PHTF2: variants seen among roughly 807,000 people sequenced by gnomAD.
PHTF2 encodes the protein putative homeodomain transcription factor 2.
In PHTF2, 60 loss-of-function variants were observed where a neutral mutation model predicts 101.2. That is an observed-to-expected ratio of 0.59 (90% CI 0.48 to 0.73). PHTF2 has a LOEUF of 0.73. Ranked by LOEUF, PHTF2 falls within the 30% of genes least tolerant of loss-of-function variation. The probability of loss-of-function intolerance (pLI) is 0.00; values close to 1 mark genes in which losing one functional copy is unlikely to be tolerated. For synonymous variants in PHTF2, 311 were observed against 307.3 expected, an observed-to-expected ratio of 1.01 and a Z score of -0.13; for missense variants, 747 against 908.7, an observed-to-expected ratio of 0.82 and a Z score of 2.29.
intron 9 of PHTF2, among the ~76,000 whole-genome samples, chr7:77,918,139 C>T (rs1264865613): frequency 2.0e-5 from 3 of 152,288 alleles, no homozygotes; most frequent in African/African-American, 4.8e-5. Context: ...AATACATTCT[C>T]CTTAGAAAAA....
chr7:77,898,948 G>T (rs1044565759), intron 5 of PHTF2, among the ~76,000 whole-genome samples: 1 of 152,106 alleles, frequency 6.6e-6, no homozygotes, highest in Non-Finnish European at 1.5e-5. Context: ...TTACAGGCGA[G>T]TGCCACCATG....
At chr7:77,932,292 A>G (rs1386957067) in intron 12 of PHTF2, among the ~76,000 whole-genome samples, 1 of 152,152 alleles carries the variant, frequency 6.6e-6, no homozygotes, top group African/African-American at 2.4e-5. Context: ...GACTGGTGGA[A>G]TGATTTCTTA....
intron 19 of PHTF2, among the ~76,000 whole-genome samples, chr7:77,954,612 G>GTA (rs66540211): frequency 0.07 from 6,294 of 89,900 alleles, 204 homozygotes; most frequent in Middle Eastern, 0.13. Context: ...CAAGTACTGT[G>GTA]TATATATATA....
At chr7:77,866,550 AGCTGGGT>A in intron 3 of PHTF2, among the ~76,000 whole-genome samples, 1 of 152,078 alleles carries the variant, frequency 6.6e-6, no homozygotes, top group African/African-American at 2.4e-5. Context: ...GGAAGTCAGA[AGCTGGGT>A]TTTACCATCT....
chr7:77,911,468 TAATA>T (rs1196847056), intron 9 of PHTF2, among the ~76,000 whole-genome samples: 1 of 152,158 alleles, frequency 6.6e-6, no homozygotes, highest in East Asian at 1.9e-4. Context: ...TATATACCTA[TAATA>T]AATGTGAAAA....
At position 77,812,994 on chromosome 7, in the gene PHTF2, G is replaced by A. The variant is rs189480866; in HGVS notation, c.-36+14023G>A. On this transcript the variant is annotated intron_variant, in intron 1 of 19. Transcript: ENST00000416283. The stretch of plus-strand genomic sequence containing the variant: ...GGAAACTTGTTTGACTTTTTCTAAT[G>A]TAGTGGATATAGGAACAGGTGAGGT... Among the ~76,000 whole-genome samples the A allele has an allele frequency of 1.1e-3, 161 of 152,308 alleles. 1 individual carries two copies. The highest frequency in any genetic ancestry group is 3.7e-3 in the African/African-American group (153 of 41,548).
At chr7:77,805,158 C>T (rs1488907689) in intron 1 of PHTF2, among the ~76,000 whole-genome samples, 1 of 152,100 alleles carries the variant, frequency 6.6e-6, no homozygotes, top group African/African-American at 2.4e-5. Flanking sequence ...TTGTATTTTC[C>T]TAGGAATCTG....
chr7:77,919,266 T>C (rs917292505), intron 9 of PHTF2, among the ~76,000 whole-genome samples: 4 of 152,226 alleles, frequency 2.6e-5, no homozygotes, highest in Non-Finnish European at 4.4e-5. Flanking sequence ...AGTAACTTAG[T>C]GTTAAAACTA....
At chr7:77,901,046 A>G (rs556406709) in intron 6 of PHTF2, among the ~76,000 whole-genome samples, 32 of 152,358 alleles carry the variant, frequency 2.1e-4, no homozygotes, top group African/African-American at 7.5e-4. Context: ...TGGCCAGAGC[A>G]GGAGCCAGAG....
chr7:77,954,852 T>TTTCTAGCTA lies in PHTF2; in HGVS notation c.2338-5_2338-4insTCTAGCTAT. 1.3e-6 allele frequency: 2 copies of TTTCTAGCTA among 1,502,580 alleles called. No homozygotes were observed. Among genetic ancestry groups the TTTCTAGCTA allele is most frequent in the South Asian group, 2.4e-5 (2 of 83,660 alleles). 93.1% of individuals were successfully genotyped at this position (1,502,580 alleles called of 1,614,324 possible). Reference sequence around the variant, plus strand: ...CTTGTCACCACTTCTATTTTTTTTTTTCTAGCTATGGAAGATTAAGTCATG... The same window carrying TTTCTAGCTA: ...CTTGTCACCACTTCTATTTTTTTTTTTTCTAGCTATCTAGCTATGGAAGATTAAGTCATG... On this transcript the variant is annotated splice_polypyrimidine_tract_variant and splice_region_variant and intron_variant, in intron 19 of 19. Transcript: ENST00000416283.
chr7:77,836,345 G>A (rs1455029620), intron 1 of PHTF2, among the ~76,000 whole-genome samples: 1 of 152,014 alleles, frequency 6.6e-6, no homozygotes, highest in Non-Finnish European at 1.5e-5. Context: ...AACTTTTATT[G>A]AAAAAATCCA....
intron 3 of PHTF2, among the ~76,000 whole-genome samples, chr7:77,884,018 A>G (rs1162562018): frequency 2.0e-5 from 3 of 152,212 alleles, no homozygotes; most frequent in African/African-American, 7.2e-5. Context: ...ACGGAGGTTG[A>G]GAGGTCAAGT....
intron 1 of PHTF2, among the ~76,000 whole-genome samples, chr7:77,820,807 G>T (rs2150517700): frequency 6.6e-6 from 1 of 152,232 alleles, no homozygotes; most frequent in South Asian, 2.1e-4. Flanking sequence ...TCATTTTATT[G>T]ATTGTTTTCT....
intron 1 of PHTF2, among the ~76,000 whole-genome samples, chr7:77,834,391 A>G (rs1010333623): frequency 2.0e-5 from 3 of 152,168 alleles, no homozygotes; most frequent in African/African-American, 7.2e-5. Context: ...TTTATGTTAA[A>G]ATAACATAAA....
At chr7:77,826,160 G>A (rs1794682584) in intron 1 of PHTF2, among the ~76,000 whole-genome samples, 1 of 152,000 alleles carries the variant, frequency 6.6e-6, no homozygotes, top group Non-Finnish European at 1.5e-5. Context: ...AAAAATTCAA[G>A]ATGGAGAATT....
chr7:77,953,646 C>T (rs1806740493), intron 18 of PHTF2, 123 bp from the exon 18 acceptor site: 2 of 720,748 alleles, frequency 2.8e-6, no homozygotes, highest in Admixed American at 6.0e-5. Context: ...TTTATCCTTT[C>T]TAAAAGCATC....
At position 77,927,195 on chromosome 7, in the gene PHTF2, T is replaced by C. The variant is rs201656376; in HGVS notation, c.1120-1914T>C. On this transcript the variant is annotated intron_variant, in intron 11 of 19. Transcript: ENST00000416283. ...AAAAAAAAATATATATATATATATA[T>C]ACATACACACACACACACACACACA... Among the ~76,000 whole-genome samples, 72 of 78,528 alleles carry C rather than the reference T, an allele frequency of 9.2e-4. 1 individual carries two copies. Among genetic ancestry groups the C allele is most frequent in the African/African-American group, 2.4e-3 (64 of 27,166 alleles). 51.5% of individuals were successfully genotyped at this position (78,528 alleles called of 152,430 possible).
At chr7:77,834,549 G>A (rs562092510) in intron 1 of PHTF2, among the ~76,000 whole-genome samples, 1 of 152,098 alleles carries the variant, frequency 6.6e-6, no homozygotes, top group Non-Finnish European at 1.5e-5. Context: ...CTATACTCAC[G>A]TGTCTGTGCT....
intron 2 of PHTF2, among the ~76,000 whole-genome samples, chr7:77,854,374 A>T (rs561282716): frequency 6.6e-6 from 1 of 152,096 alleles, no homozygotes; most frequent in African/African-American, 2.4e-5. Flanking sequence ...GGCTACCACT[A>T]CTAGGACTGT....
Sources: gnomAD v4.1 joint callset for allele counts (sites outside exome capture counted in the v4.1 genomes callset) on GRCh38, gnomAD v4.1.1 for gene constraint, MANE v1.5 for transcripts, NCBI Gene and HGNC (gene_info 2026-07-23, HGNC 2026-07-21) for gene names.